EBF1: variants seen among roughly 807,000 people sequenced by gnomAD.
EBF1 encodes the protein EBF transcription factor 1, also known as transcription factor COE1.
A neutral mutation model predicts 68.4 loss-of-function variants in EBF1; 10 were observed. That is an observed-to-expected ratio of 0.15 (90% CI 0.09 to 0.25). The LOEUF (loss-of-function observed/expected upper bound fraction) is 0.25, where lower values mean the gene tolerates loss of function less well. Among genes scored for constraint, EBF1 ranks in the 10% least tolerant of loss-of-function variants. EBF1 has a pLI of 1.00. For synonymous variants in EBF1, 298 were observed against 299.8 expected (o/e 0.99, Z 0.06); for missense variants, 509 against 794.4 (o/e 0.64, Z 4.32).
At chr5:158,982,952 A>T (rs1159657973) in intron 6 of EBF1, 1 of 152,150 alleles carries the variant, frequency 6.6e-6, no homozygotes, top group East Asian at 1.9e-4. Context: ...TTGTTACCTC[A>T]TAGGGCAAAG....
chr5:158,797,893 T>C (rs1435895712), intron 8 of EBF1, among the ~76,000 whole-genome samples: 1 of 152,198 alleles, frequency 6.6e-6, no homozygotes, highest in Non-Finnish European at 1.5e-5. Context: ...AAGATGTAAA[T>C]GATTCGTGAC....
At chr5:159,001,353 C>T (rs1167826914) in intron 6 of EBF1, among the ~76,000 whole-genome samples, 1 of 152,034 alleles carries the variant, frequency 6.6e-6, no homozygotes, top group Non-Finnish European at 1.5e-5. Flanking sequence ...AAATCTTCAA[C>T]AATTTTTAAA....
chr5:159,075,789 C>T (rs1279733719), intron 5 of EBF1, among the ~76,000 whole-genome samples: 2 of 152,206 alleles, frequency 1.3e-5, no homozygotes, highest in South Asian at 2.1e-4. Flanking sequence ...ACCTCCCAAC[C>T]TTCTGCCCCC....
intron 6 of EBF1, among the ~76,000 whole-genome samples, chr5:158,947,088 A>G (rs1814916289): frequency 6.6e-6 from 1 of 152,212 alleles, no homozygotes; most frequent in East Asian, 1.9e-4. Context: ...GCTGGCAGCA[A>G]GAATTTCAGG....
At chr5:159,098,467 G>A (rs1233146062) in intron 1 of EBF1, among the ~76,000 whole-genome samples, 1 of 151,786 alleles carries the variant, frequency 6.6e-6, no homozygotes, top group Non-Finnish European at 1.5e-5. Context: ...AGAGAGGGAG[G>A]GAAGGAGAAC....
chr5:158,999,246 G>T (rs890124365), intron 6 of EBF1, among the ~76,000 whole-genome samples: 1 of 152,184 alleles, frequency 6.6e-6, no homozygotes, highest in Non-Finnish European at 1.5e-5. Flanking sequence ...ACCAATAGTT[G>T]TTCCAAGCAA....
At chr5:158,915,208 G>A (rs1806893782) in intron 6 of EBF1, among the ~76,000 whole-genome samples, 2 of 152,198 alleles carry the variant, frequency 1.3e-5, no homozygotes, top group South Asian at 4.1e-4. Context: ...TAAAGGGACA[G>A]CCTCGGAGGG....
At chr5:158,790,735 G>T (rs552322747) in intron 9 of EBF1, among the ~76,000 whole-genome samples, 37 of 152,092 alleles carry the variant, frequency 2.4e-4, no homozygotes, top group Non-Finnish European at 5.0e-4. Flanking sequence ...TCTAGAAGAC[G>T]AATTAGGCCA....
At chr5:159,086,403 G>C (rs1780644918) in intron 4 of EBF1, among the ~76,000 whole-genome samples, 1 of 152,114 alleles carries the variant, frequency 6.6e-6, no homozygotes, top group Non-Finnish European at 1.5e-5. Flanking sequence ...ACCCAATAAT[G>C]TCCTTTACAG....
intron 11 of EBF1, among the ~76,000 whole-genome samples, chr5:158,727,624 C>G (rs1763262370): frequency 6.6e-6 from 1 of 152,016 alleles, no homozygotes; most frequent in Non-Finnish European, 1.5e-5. Context: ...AAAAGGAAAC[C>G]AAAAAACATC....
intron 6 of EBF1, among the ~76,000 whole-genome samples, chr5:158,885,194 C>G (rs553021670): frequency 6.6e-6 from 1 of 152,312 alleles, no homozygotes; most frequent in African/African-American, 2.4e-5. Flanking sequence ...ATCTAAAGTT[C>G]ATCCAGATGA....
chr5:158,817,044 C>T (rs1287539756), intron 8 of EBF1, among the ~76,000 whole-genome samples: 4 of 152,108 alleles, frequency 2.6e-5, no homozygotes, highest in Admixed American at 1.3e-4. Flanking sequence ...TGACCTCCTC[C>T]CCACTTCGCA....
chr5:159,084,395 G>A (rs1439018275), intron 5 of EBF1, among the ~76,000 whole-genome samples: 1 of 152,074 alleles, frequency 6.6e-6, no homozygotes, highest in Non-Finnish European at 1.5e-5. Context: ...AAGAGAGTAG[G>A]GGAAGGCAGT....
intron 6 of EBF1, among the ~76,000 whole-genome samples, chr5:158,975,480 AAG>A (rs1315184371): frequency 6.6e-6 from 1 of 152,202 alleles, no homozygotes; most frequent in Non-Finnish European, 1.5e-5. Context: ...TTTTAAACGA[AAG>A]AGTTTTTGGT....
intron 10 of EBF1, among the ~76,000 whole-genome samples, chr5:158,740,616 A>T (rs556766627): frequency 3.9e-5 from 6 of 152,354 alleles, no homozygotes; most frequent in Non-Finnish European, 4.4e-5. Flanking sequence ...AATTACAGAG[A>T]ACTTACAACA....
In EBF1 at chr5:158,698,423, C is replaced by T. The variant is rs991845929; in HGVS notation, c.*688G>A. Reference sequence around the variant, plus strand: ...GGGAAAAATGTGATCACTTACATCGCGTTTTAACTTTCCAGGCTGCATTTA... The same window carrying T: ...GGGAAAAATGTGATCACTTACATCGTGTTTTAACTTTCCAGGCTGCATTTA... On this transcript the variant is annotated 3_prime_UTR_variant, in exon 16 of 16. Coordinates refer to ENST00000313708, the MANE Select transcript of EBF1 (RefSeq NM_024007.5). 4 of 222,358 alleles carry T rather than the reference C, an allele frequency of 1.8e-5. No individual in the cohort carries two copies. The highest frequency in any genetic ancestry group is 5.8e-5 in the Admixed American group (1 of 17,326). The allele number at this position is 222,358 out of a possible 1,614,324, so 13.8% of individuals were successfully genotyped here.
At chr5:158,961,708 T>C (rs1818215691) in intron 6 of EBF1, among the ~76,000 whole-genome samples, 1 of 152,242 alleles carries the variant, frequency 6.6e-6, no homozygotes, top group South Asian at 2.1e-4. Flanking sequence ...ACTCTTTTAA[T>C]TTATTTTCTA....
At chr5:158,978,118 A>C (rs1431056004) in intron 6 of EBF1, among the ~76,000 whole-genome samples, 2 of 152,218 alleles carry the variant, frequency 1.3e-5, no homozygotes, top group Non-Finnish European at 2.9e-5. Flanking sequence ...TTGGCCATAC[A>C]GGGGGAAAAT....
chr5:158,901,411 T>C (rs1376989218), intron 6 of EBF1, among the ~76,000 whole-genome samples: 2 of 152,250 alleles, frequency 1.3e-5, no homozygotes, highest in Non-Finnish European at 2.9e-5. Context: ...GTCTTGTTCT[T>C]GGCTACATCC....
Sources: gnomAD v4.1 joint callset for allele counts (sites outside exome capture counted in the v4.1 genomes callset) on GRCh38, gnomAD v4.1.1 for gene constraint, MANE v1.5 for transcripts, NCBI Gene and HGNC (gene_info 2026-07-23, HGNC 2026-07-21) for gene names.